Variants in NOTCH1 observed in about 807,000 individuals in gnomAD.
The protein encoded by NOTCH1 is notch receptor 1, also known as neurogenic locus notch homolog protein 1.
In NOTCH1, 37 loss-of-function variants were observed where a neutral mutation model predicts 254.8. The ratio of observed to expected loss-of-function variants is 0.15; its 90% CI spans 0.11 to 0.19. The LOEUF (loss-of-function observed/expected upper bound fraction) is 0.19. Among genes scored for constraint, NOTCH1 ranks in the 10% least tolerant of loss-of-function variants. The probability of loss-of-function intolerance (pLI) is 1.00; values close to 1 mark genes in which losing one functional copy is unlikely to be tolerated. For missense variants in NOTCH1, 2,972 were observed against 3,708.6 expected (o/e 0.80, Z 5.16); for synonymous variants, 1,731 against 1,618.1 (o/e 1.07, Z -1.68).
At chr9:136,533,471 C>T (rs1231728968) in intron 2 of NOTCH1, among the ~76,000 whole-genome samples, 3 of 152,250 alleles carry the variant, frequency 2.0e-5, no homozygotes, top group South Asian at 2.1e-4. Context: ...CCCTGCTGTG[C>T]GGCACGGGGC....
At chr9:136,497,664 G>T in intron 33 of NOTCH1, 106 bp from the exon 34 acceptor site, 1 of 936,546 alleles carries the variant, frequency 1.1e-6, no homozygotes. Flanking sequence ...CCTCCGCGGG[G>T]TGGGGGCAGG....
At chr9:136,514,733 C>T (rs1301699010) in intron 12 of NOTCH1, 31 bp from the exon 13 acceptor site, 3 of 1,603,628 alleles carry the variant, frequency 1.9e-6, no homozygotes, top group Non-Finnish European at 2.6e-6. Flanking sequence ...ACTCCGAGGC[C>T]CAGCGCCCAG....
chr9:136,524,894 C>T (rs1317596569), intron 2 of NOTCH1, among the ~76,000 whole-genome samples: 1 of 152,088 alleles, frequency 6.6e-6, no homozygotes, highest in Non-Finnish European at 1.5e-5. Flanking sequence ...CCTCGGCCTC[C>T]CAAAGTGCTG....
At chr9:136,526,197 C>T (rs898697811) in intron 2 of NOTCH1, among the ~76,000 whole-genome samples, 7 of 152,256 alleles carry the variant, frequency 4.6e-5, no homozygotes, top group Non-Finnish European at 7.3e-5. Context: ...GGCCGGTCCC[C>T]GAGGTGGAGC....
chr9:136,534,293 C>T (rs1456456178), intron 2 of NOTCH1, among the ~76,000 whole-genome samples: 1 of 152,180 alleles, frequency 6.6e-6, no homozygotes, highest in Non-Finnish European at 1.5e-5. Flanking sequence ...AACAGAATGT[C>T]AAGGGGGCAT....
At position 136,508,155 on chromosome 9, in the gene NOTCH1, T is replaced by A. The variant is rs374731388; in HGVS notation, c.3326-16A>T. 25 of 1,606,792 alleles carry A rather than the reference T, an allele frequency of 1.6e-5. No homozygotes were observed. The African/African-American group carries it at 1.9e-4, about 12-fold the overall frequency. On this transcript the variant is annotated splice_polypyrimidine_tract_variant and intron_variant, in intron 20 of 33. Coordinates refer to ENST00000651671, the MANE Select transcript of NOTCH1 (RefSeq NM_017617.5). Reference sequence around the variant, plus strand: ...ACGTCAACACCTGCGGGGGATGGGGTGGTAGACAGGTGAGGCCCAGGCCCA... The same window carrying A: ...ACGTCAACACCTGCGGGGGATGGGGAGGTAGACAGGTGAGGCCCAGGCCCA...
chr9:136,496,631 T>C lies in NOTCH1; in HGVS notation c.7108A>G (p.Ser2370Gly). The part of the protein sequence containing the change: ...SQMMSYQGLP[S>G]TRLATQPHLV... ...TGAGGCTGGGTGGCCAGCCGGGTGC[T>C]GGGCAGGCCCTGGTAGCTCATCATC... Residue 2370 changes from serine to glycine, a missense_variant, in exon 34 of 34, where the codon AGC (serine) becomes GGC (glycine). Ser to Gly is a moderately conservative substitution (Grantham distance 56). Coordinates refer to ENST00000651671, the MANE Select transcript of NOTCH1 (RefSeq NM_017617.5). The C allele has an allele frequency of 6.2e-7, 1 of 1,613,144 alleles. No homozygotes were observed. The highest frequency in any genetic ancestry group is 8.5e-7 in the Non-Finnish European group (1 of 1,179,986).
intron 2 of NOTCH1, among the ~76,000 whole-genome samples, chr9:136,538,055 G>A (rs1309923050): frequency 2.6e-5 from 4 of 152,164 alleles, no homozygotes; most frequent in Non-Finnish European, 2.9e-5. Flanking sequence ...AATCCAGTCT[G>A]GGTGACAAAG....
intron 33 of NOTCH1, 80 bp from the exon 34 acceptor site, chr9:136,497,638 A>G: frequency 7.7e-7 from 1 of 1,304,652 alleles, no homozygotes; most frequent in East Asian, 2.5e-5. Context: ...CACCAGAGGA[A>G]GCAGCAGTAC....
intron 2 of NOTCH1, among the ~76,000 whole-genome samples, chr9:136,530,346 T>C (rs568228998): frequency 1.3e-5 from 2 of 152,346 alleles, no homozygotes; most frequent in South Asian, 4.1e-4. Flanking sequence ...GGGGAAACCC[T>C]TTGTGTGGGA....
At chr9:136,504,509 G>A (rs572189793) in intron 26 of NOTCH1, among the ~76,000 whole-genome samples, 164 bp downstream of exon 26, 10 of 152,374 alleles carry the variant, frequency 6.6e-5, no homozygotes, top group African/African-American at 1.9e-4. Context: ...CTCCTTGCCT[G>A]CGCAGGCCCT....
intron 2 of NOTCH1, among the ~76,000 whole-genome samples, chr9:136,529,922 G>T (rs935509885): frequency 6.6e-6 from 1 of 152,248 alleles, no homozygotes; most frequent in African/African-American, 2.4e-5. Flanking sequence ...GCCACCACCT[G>T]CGGTCCCACC....
At position 136,496,728 on chromosome 9, in the gene NOTCH1, T is replaced by C; in HGVS notation, c.7011A>G (p.Thr2337=). The change falls in exon 34 of 34, where the codon ACA becomes ACG. Residue 2337 remains threonine, a synonymous_variant. Coordinates refer to ENST00000651671, the MANE Select transcript of NOTCH1 (RefSeq NM_017617.5). ...TGCCATGCTGCAGGGAGGGGGCCTG[T>C]GTGCTCAGGGGGCCTGGTGCCACAC... ...RGSVAPGPLS[T]QAPSLQHGMV... is the part of the protein sequence containing the mutation. 6.2e-7 allele frequency: 1 copy of C among 1,612,786 alleles called. No homozygotes were observed. The highest frequency in any genetic ancestry group is 8.5e-7 in the Non-Finnish European group (1 of 1,179,994).
In NOTCH1 at chr9:136,540,196, G is replaced by A. The variant is rs151222885; in HGVS notation, c.140+3828C>T. On this transcript the variant is annotated intron_variant, in intron 2 of 33. Transcript: ENST00000651671. The surrounding 1 kb of genome is among the most constrained non-coding windows in gnomAD (Gnocchi z 4.4). ...CCCAACATGTCCCACATGTGAGCTA[G>A]GTGCCTCTCTCACGCCTTGCTGGGA... is the stretch of plus-strand genomic sequence containing the variant. 6.6e-6 allele frequency among the ~76,000 whole-genome samples: 1 copy of A among 152,206 alleles called. No individual in the cohort carries two copies. The highest frequency in any genetic ancestry group is 2.4e-5 in the African/African-American group (1 of 41,452).
Position 136,494,569 on chromosome 9 carries a change from A to C in NOTCH1, c.*1502T>G, listed in dbSNP as rs1842889105. On this transcript the variant is annotated 3_prime_UTR_variant, in exon 34 of 34. Transcript: ENST00000651671. ...CTGTAAACTACACTCTATTTTATAA[A>C]ACACAGTAAAAATCAACATCTTGGG... The C allele has an allele frequency of 5.0e-6, 2 of 398,894 alleles. No homozygotes were observed. Among genetic ancestry groups the C allele is most frequent in the Admixed American group, 8.8e-5 (2 of 22,724 alleles). 24.7% of individuals were successfully genotyped at this position (398,894 alleles called of 1,614,324 possible). A position where few individuals can be genotyped will look rare whatever the true frequency, so the allele number is the denominator to read the frequency against.
chr9:136,518,450 G>T, intron 6 of NOTCH1, 141 bp downstream of exon 6: 1 of 1,119,960 alleles, frequency 8.9e-7, no homozygotes, highest in Non-Finnish European at 1.3e-6. Flanking sequence ...GGGACTCACA[G>T]CGACCACCGG....
At chr9:136,529,881 T>C (rs1843530671) in intron 2 of NOTCH1, among the ~76,000 whole-genome samples, 1 of 152,118 alleles carries the variant, frequency 6.6e-6, no homozygotes, top group African/African-American at 2.4e-5. Flanking sequence ...ACCACGAGAT[T>C]GGGGGCTGCG....
At chr9:136,527,713 CCT>C (rs781004911) in intron 2 of NOTCH1, among the ~76,000 whole-genome samples, 15 of 152,208 alleles carry the variant, frequency 9.9e-5, no homozygotes, top group Admixed American at 5.2e-4. Flanking sequence ...TCCGTGCGTC[CCT>C]CTTAGGGTCA....
At position 136,523,843 on chromosome 9, in the gene NOTCH1, A is replaced by C. The variant is rs1404441316; in HGVS notation, c.277T>G (p.Phe93Val). ...GGTGTCAGGCAGAGGGGCCCAGAGA[A>C]GCCCAGGGCACAGCTGCAGGCATAG... ...ADYACSCALG[F>V]SGPLCLTPLD... The change falls in exon 3 of 34, where the codon TTC becomes GTC. Residue 93 changes from phenylalanine to valine, a missense_variant. By Grantham distance (50) the Phe-to-Val change is conservative (BLOSUM62 -1). Around this residue, in one of 8 missense-constraint regions of NOTCH1, gnomAD observed 374 missense variants for 496.3 expected, o/e 0.75. Coordinates refer to ENST00000651671, the MANE Select transcript of NOTCH1 (RefSeq NM_017617.5). 1.2e-6 allele frequency: 2 copies of C among 1,611,972 alleles called. No individual in the cohort carries two copies. The highest frequency in any genetic ancestry group is 1.7e-6 in the Non-Finnish European group (2 of 1,179,680).
Sources: gnomAD v4.1 joint callset for allele counts (sites outside exome capture counted in the v4.1 genomes callset) on GRCh38, gnomAD v4.1.1 for gene constraint, gnomAD v4.1.1 regional missense constraint, Gnocchi (gnomAD v3.1) non-coding constraint, MANE v1.5 for transcripts, NCBI Gene and HGNC (gene_info 2026-07-23, HGNC 2026-07-21) for gene names.